PPP2R1A: variants seen among roughly 807,000 people sequenced by gnomAD.
PPP2R1A encodes serine/threonine-protein phosphatase 2A 65 kDa regulatory subunit A alpha isoform.
Under a neutral mutation model 67.1 loss-of-function variants are expected in PPP2R1A, and 15 were observed. That is an observed-to-expected ratio of 0.22 (90% CI 0.15 to 0.34). The LOEUF is 0.34. Among genes scored for constraint, PPP2R1A ranks in the 10% least tolerant of loss-of-function variants. The pLI is 1.00. For missense variants in PPP2R1A, 369 were observed against 775.0 expected, an observed-to-expected ratio of 0.48 and a Z score of 6.22; for synonymous variants, 337 against 325.0, an observed-to-expected ratio of 1.04 and a Z score of -0.40.
chr19:52,202,451 G>A (rs529798546), intron 2 of PPP2R1A, among the ~76,000 whole-genome samples: 14 of 152,306 alleles, frequency 9.2e-5, no homozygotes, highest in African/African-American at 2.6e-4. Context: ...GTTCTACACC[G>A]TATCTTGTGA....
At position 52,220,191 on chromosome 19, in the gene PPP2R1A, A is replaced by G; in HGVS notation, c.1305A>G (p.Gly435=). 6.2e-7 allele frequency: 1 copy of G among 1,613,890 alleles called. No homozygotes were observed. ...EYMPLLAGQL[G]VEFFDEKLNS... ...GGAACCCTTGGTTTCTCCTGTAGGG[A>G]GTGGAGTTCTTTGATGAGAAACTTA... is the stretch of plus-strand genomic sequence containing the variant. The change falls in exon 11 of 15, where the codon GGA becomes GGG. Residue 435 remains glycine (G), a splice_region_variant and synonymous_variant. Transcript: ENST00000322088.
Position 52,212,032 on chromosome 19 carries a change from C to G in PPP2R1A, c.503+540C>G, listed in dbSNP as rs2089675105. 5.9e-5 allele frequency among the ~76,000 whole-genome samples: 9 copies of G among 152,340 alleles called. No individual in the cohort carries two copies. In the South Asian group the frequency reaches 1.9e-3, roughly 32 times the overall value. ...CCGCCTTTGATCGAAGCAATTGCTG[C>G]TGAAAAATAAAGCCTTTCTGTGGCT... is the stretch of plus-strand genomic sequence containing the variant. On this transcript the variant is annotated intron_variant, in intron 4 of 14. Coordinates refer to ENST00000322088, the MANE Select transcript of PPP2R1A (RefSeq NM_014225.6). The surrounding 1 kb of genome is among the most constrained non-coding windows in gnomAD (Gnocchi z 4.1).
chr19:52,192,447 A>G (rs1312164475), intron 1 of PPP2R1A, among the ~76,000 whole-genome samples: 2 of 152,004 alleles, frequency 1.3e-5, no homozygotes, highest in Non-Finnish European at 2.9e-5. Flanking sequence ...AGCTGGGACT[A>G]CAGACGCAGG....
At chr19:52,223,757 C>T (rs940015610) in intron 13 of PPP2R1A, among the ~76,000 whole-genome samples, 4 of 152,064 alleles carry the variant, frequency 2.6e-5, no homozygotes, top group South Asian at 2.1e-4. Context: ...ATCCATTGCA[C>T]GTGGGGCTGT....
intron 2 of PPP2R1A, among the ~76,000 whole-genome samples, 198 bp downstream of exon 2, chr19:52,202,232 G>A (rs1479406088): frequency 6.6e-6 from 1 of 152,240 alleles, no homozygotes; most frequent in Non-Finnish European, 1.5e-5. Context: ...GACAGATGGT[G>A]AAAGGGATCT....
chr19:52,192,917 A>G (rs540982114), intron 1 of PPP2R1A, among the ~76,000 whole-genome samples: 2 of 152,328 alleles, frequency 1.3e-5, no homozygotes, highest in African/African-American at 2.4e-5. Context: ...CTTTTGTGCT[A>G]CAGCCCAGAG....
At chr19:52,224,732 C>T (rs1438078414) in intron 13 of PPP2R1A, among the ~76,000 whole-genome samples, 1 of 152,194 alleles carries the variant, frequency 6.6e-6, no homozygotes, top group Non-Finnish European at 1.5e-5. Context: ...CAGAATCTCG[C>T]TCTGTCGCCC....
At chr19:52,222,651 G>A (rs115178331) in intron 13 of PPP2R1A, among the ~76,000 whole-genome samples, 35 of 152,314 alleles carry the variant, frequency 2.3e-4, no homozygotes, top group African/African-American at 7.9e-4. Flanking sequence ...CAAGGTGGGC[G>A]GATCAGTTGA....
chr19:52,225,816 C>T lies in PPP2R1A; in HGVS notation c.1753+8C>T, dbSNP rs375739930. On this transcript the variant is annotated splice_region_variant and intron_variant, in intron 14 of 14. Transcript: ENST00000322088. ...CCCAGGAGGCTCTGACTGGTAAGAC[C>T]TAGAAAGCACGGAGCCCTAGCAGGA... 1.2e-4 allele frequency: 199 copies of T among 1,613,470 alleles called. No homozygotes were observed. Among genetic ancestry groups the T allele is most frequent in the Non-Finnish European group, 1.7e-4 (199 of 1,179,502 alleles).
At chr19:52,203,829 C>T (rs888574403) in intron 2 of PPP2R1A, among the ~76,000 whole-genome samples, 3 of 152,142 alleles carry the variant, frequency 2.0e-5, no homozygotes, top group East Asian at 1.9e-4. Context: ...GGGATTCCCA[C>T]GACCCCCTCT....
In PPP2R1A at chr19:52,226,244, ATGT is replaced by A; in HGVS notation, c.*264_*266del. On this transcript the variant is annotated 3_prime_UTR_variant, in exon 15 of 15. Coordinates refer to ENST00000322088, the MANE Select transcript of PPP2R1A (RefSeq NM_014225.6). ...GCTACTCCGCCCACGTCAGGGAGAG[ATGT>A]GAGCATCCCGGGTCACTGGATCCTG... 1.8e-6 allele frequency: 1 copy of A among 543,560 alleles called. No individual in the cohort carries two copies. 33.7% of individuals were successfully genotyped at this position (543,560 alleles called of 1,614,324 possible). A position where few individuals can be genotyped will look rare whatever the true frequency, so the allele number is the denominator to read the frequency against.
intron 1 of PPP2R1A, among the ~76,000 whole-genome samples, chr19:52,195,761 G>T (rs1483756198): frequency 2.0e-5 from 3 of 152,148 alleles, no homozygotes; most frequent in Admixed American, 6.5e-5. Flanking sequence ...TGGGGGAAGG[G>T]GTGTGGAGCT....
At position 52,211,166 on chromosome 19, in the gene PPP2R1A, G is replaced by A. The variant is rs377445100; in HGVS notation, c.271-94G>A. On this transcript the variant is annotated intron_variant, in intron 3 of 14. Transcript: ENST00000322088. The surrounding 1 kb of genome is among the most constrained non-coding windows in gnomAD (Gnocchi z 5.3). The stretch of plus-strand genomic sequence containing the variant: ...GATGGGTAATAGGGAAGTTTTCTCT[G>A]AGGAGATGAGCCCATGATGGGGTGC... 6 of 1,218,096 alleles carry A rather than the reference G, an allele frequency of 4.9e-6. No individual in the cohort carries two copies. Among genetic ancestry groups the A allele is most frequent in the Middle Eastern group, 2.8e-4 (1 of 3,526 alleles). The allele number at this position is 1,218,096 out of a possible 1,614,324, so 75.5% of individuals were successfully genotyped here.
rs1568594502 is a variant in PPP2R1A, at chr19:52,213,399, TAATC to T, written c.807+292_807+295del. ...TAGCACATGTGGGGTGTTCCTGACA[TAATC>T]AAGCTGTCCTTTCACAAAGGGGAAG... On this transcript the variant is annotated intron_variant, in intron 6 of 14. Transcript: ENST00000322088. This position sits in a 1 kb window ranked among gnomAD's most constrained non-coding sequence, Gnocchi z 4.2. 6.7e-6 allele frequency among the ~76,000 whole-genome samples: 1 copy of T among 148,614 alleles called. No individual in the cohort carries two copies. The highest frequency in any genetic ancestry group is 1.5e-5 in the Non-Finnish European group (1 of 67,478).
rs1425707399 is a variant in PPP2R1A, at chr19:52,215,819, T to C, written c.848T>C (p.Leu283Pro). 1 of 1,613,926 alleles carries C rather than the reference T, an allele frequency of 6.2e-7. No individual in the cohort carries two copies. Residue 283 changes from leucine (L) to proline (P), a missense_variant, in exon 7 of 15, where the codon CTG becomes CCG. Physicochemically the swap from Leu to Pro is moderately conservative, Grantham distance 98. Around this residue, in one of 2 missense-constraint regions of PPP2R1A, gnomAD observed 276 missense variants for 508.4 expected, o/e 0.54. Coordinates refer to ENST00000322088, the MANE Select transcript of PPP2R1A (RefSeq NM_014225.6). ...AVGPEITKTDLVPAFQNLMKD... is the reference protein window; with the variant it reads ...AVGPEITKTDPVPAFQNLMKD... ...GGGCCTGAGATCACCAAGACAGACC[T>C]GGTCCCTGCCTTCCAGAACCTGATG...
rs778207794 is a variant in PPP2R1A, at chr19:52,215,992, C to T, written c.923-12C>T. The T allele has an allele frequency of 1.9e-6, 3 of 1,613,666 alleles. No homozygotes were observed. The South Asian group carries it at 3.3e-5, about 18-fold the overall frequency. On this transcript the variant is annotated splice_polypyrimidine_tract_variant and intron_variant, in intron 7 of 14. Coordinates refer to ENST00000322088, the MANE Select transcript of PPP2R1A (RefSeq NM_014225.6). ...GTCTCACTTCCCTTTGCCTCCCTCT[C>T]CCTGCCCACAGAGTTCTGTGAAAAC...
At chr19:52,195,630 C>T (rs1488955150) in intron 1 of PPP2R1A, among the ~76,000 whole-genome samples, 1 of 152,152 alleles carries the variant, frequency 6.6e-6, no homozygotes, top group Non-Finnish European at 1.5e-5. Context: ...GACCACCCTG[C>T]CTTTGGGTTT....
intron 1 of PPP2R1A, among the ~76,000 whole-genome samples, chr19:52,199,891 C>T (rs180893633): frequency 1.4e-4 from 22 of 152,280 alleles, no homozygotes; most frequent in African/African-American, 5.3e-4. Flanking sequence ...GTACTTTATC[C>T]TGAGGTCCGT....
Position 52,213,162 on chromosome 19 carries a change from C to T in PPP2R1A, c.807+52C>T, listed in dbSNP as rs990354892. 30 of 1,500,594 alleles carry T rather than the reference C, an allele frequency of 2.0e-5. No individual in the cohort carries two copies. Among genetic ancestry groups the T allele is most frequent in the Non-Finnish European group, 2.6e-5 (30 of 1,132,400 alleles). 93.0% of individuals were successfully genotyped at this position (1,500,594 alleles called of 1,614,324 possible). On this transcript the variant is annotated intron_variant, in intron 6 of 14. Coordinates refer to ENST00000322088, the MANE Select transcript of PPP2R1A (RefSeq NM_014225.6). This position sits in a 1 kb window ranked among gnomAD's most constrained non-coding sequence, Gnocchi z 4.2. ...CCACTGGTGGGGACACTGACACTCT[C>T]AGAAGGGAAGCATATAGGAGCTGAG...
Sources: allele counts gnomAD v4.1 joint callset (sites outside exome capture counted in the v4.1 genomes callset), GRCh38; gene constraint gnomAD v4.1.1; regional missense constraint gnomAD v4.1.1; non-coding constraint Gnocchi (gnomAD v3.1); transcripts MANE v1.5; gene names NCBI Gene and HGNC (gene_info 2026-07-23, HGNC 2026-07-21).